The following CNTNAP4 variants were observed in gnomAD, a reference collection of about 807,000 sequenced individuals.
CNTNAP4 encodes the protein contactin associated protein family member 4, also known as contactin-associated protein-like 4.
Under a neutral mutation model 148.4 loss-of-function variants are expected in CNTNAP4, and 98 were observed. The ratio of observed to expected loss-of-function variants is 0.66; its 90% CI spans 0.56 to 0.78. The LOEUF (loss-of-function observed/expected upper bound fraction) is 0.78, where lower values mean the gene tolerates loss of function less well. Among genes scored for constraint, CNTNAP4 ranks in the 30% least tolerant of loss-of-function variants. The probability of loss-of-function intolerance (pLI) is 0.00; values close to 1 mark genes in which losing one functional copy is unlikely to be tolerated. For synonymous variants in CNTNAP4, 730 were observed against 565.1 expected (o/e 1.29, Z -4.14); for missense variants, 1,935 against 1,565.6 (o/e 1.24, Z -3.98).
intron 12 of CNTNAP4, among the ~76,000 whole-genome samples, chr16:76,482,495 C>A (rs937669720): frequency 6.7e-6 from 1 of 149,248 alleles, no homozygotes; most frequent in Non-Finnish European, 1.5e-5. Flanking sequence ...TCTGAGGAGG[C>A]ATTTGAATAT....
At chr16:76,301,670 T>C (rs1038026091) in intron 1 of CNTNAP4, among the ~76,000 whole-genome samples, 4 of 152,074 alleles carry the variant, frequency 2.6e-5, no homozygotes, top group Non-Finnish European at 2.9e-5. Flanking sequence ...GGTAAATCAG[T>C]CACTGTGACA....
intron 3 of CNTNAP4, among the ~76,000 whole-genome samples, chr16:76,378,509 G>C (rs1312017298): frequency 6.6e-6 from 1 of 152,134 alleles, no homozygotes; most frequent in Non-Finnish European, 1.5e-5. Flanking sequence ...ATTTGTATGT[G>C]CTGGTAAACT....
chr16:76,386,331 C>A (rs780782886), intron 3 of CNTNAP4, among the ~76,000 whole-genome samples: 8 of 151,954 alleles, frequency 5.3e-5, no homozygotes, highest in African/African-American at 7.3e-5. Context: ...GTAAAATGAG[C>A]AATTTTTTAA....
At chr16:76,374,769 T>G (rs75095149) in intron 3 of CNTNAP4, among the ~76,000 whole-genome samples, 29,305 of 147,856 alleles carry the variant, frequency 0.2, 3,378 homozygotes, top group East Asian at 0.45. Context: ...ATTATTATTA[T>G]TATTATTATT....
At chr16:76,349,870 A>G (rs960436510) in intron 2 of CNTNAP4, among the ~76,000 whole-genome samples, 4 of 151,946 alleles carry the variant, frequency 2.6e-5, no homozygotes, top group Admixed American at 2.0e-4. Flanking sequence ...TAAAGTTGAT[A>G]CGTCGCCTTT....
intron 1 of CNTNAP4, among the ~76,000 whole-genome samples, chr16:76,300,110 G>T (rs1265720939): frequency 6.6e-6 from 1 of 152,028 alleles, no homozygotes; most frequent in Non-Finnish European, 1.5e-5. Flanking sequence ...AAACCTGCAC[G>T]TTGTGCACAT....
chr16:76,327,210 C>A (rs1963078117), intron 2 of CNTNAP4, among the ~76,000 whole-genome samples: 1 of 152,184 alleles, frequency 6.6e-6, no homozygotes, highest in South Asian at 2.1e-4. Flanking sequence ...ATCACTGCCT[C>A]TCCTGTCTTG....
At chr16:76,513,310 A>G (rs934010445) in intron 15 of CNTNAP4, among the ~76,000 whole-genome samples, 2 of 152,130 alleles carry the variant, frequency 1.3e-5, no homozygotes, top group African/African-American at 4.8e-5. Context: ...GAGATGTATT[A>G]TTGGGGAGAG....
intron 8 of CNTNAP4, among the ~76,000 whole-genome samples, chr16:76,460,525 G>T (rs560273076): frequency 6.7e-6 from 1 of 149,238 alleles, no homozygotes; most frequent in African/African-American, 2.4e-5. Flanking sequence ...ACTTTGGGAA[G>T]CCGAGGCGGG....
intron 2 of CNTNAP4, 34 bp downstream of exon 2, chr16:76,316,557 G>C (rs1278888435): frequency 7.3e-7 from 1 of 1,370,582 alleles, no homozygotes; most frequent in East Asian, 2.3e-5. Context: ...CTGGCCCATA[G>C]AAAATCTCAC....
intron 2 of CNTNAP4, among the ~76,000 whole-genome samples, chr16:76,347,505 A>T (rs199955485): frequency 4.1e-4 from 41 of 100,718 alleles, no homozygotes; most frequent in Admixed American, 1.8e-3. Flanking sequence ...TATGCTATAT[A>T]AAAAAGATGG....
At chr16:76,510,627 G>A (rs1387948618) in intron 15 of CNTNAP4, among the ~76,000 whole-genome samples, 1 of 152,142 alleles carries the variant, frequency 6.6e-6, no homozygotes, top group African/African-American at 2.4e-5. Flanking sequence ...TGTCTGTGCT[G>A]AGGAATGCAG....
chr16:76,428,431 T>G (rs1277999580), intron 4 of CNTNAP4, among the ~76,000 whole-genome samples: 1 of 149,526 alleles, frequency 6.7e-6, no homozygotes. Flanking sequence ...TTTTTTTTTT[T>G]CTCTAGTAAA....
chr16:76,518,379 C>T (rs188337718), intron 15 of CNTNAP4, among the ~76,000 whole-genome samples: 71 of 152,256 alleles, frequency 4.7e-4, no homozygotes, highest in Admixed American at 9.8e-4. Flanking sequence ...CTGCCCACCT[C>T]AGCCCCCAAA....
rs377126422 is a variant in CNTNAP4, at chr16:76,407,950, C to T, written c.391-19502C>T. Reference sequence around the variant, plus strand: ...TTAAAAATTCACTCCACAGTCACCCCAACCTTCAGCAACCACCACCCTGAT... The same window carrying T: ...TTAAAAATTCACTCCACAGTCACCCTAACCTTCAGCAACCACCACCCTGAT... On this transcript the variant is annotated intron_variant, in intron 3 of 23. Transcript: ENST00000611870. Among the ~76,000 whole-genome samples, 13 of 152,142 alleles carry T rather than the reference C, an allele frequency of 8.5e-5. No individual in the cohort carries two copies. The South Asian group carries it at 2.1e-3, about 24-fold the overall frequency.
chr16:76,515,426 C>A (rs921984336), intron 15 of CNTNAP4, among the ~76,000 whole-genome samples: 7 of 152,064 alleles, frequency 4.6e-5, no homozygotes, highest in Non-Finnish European at 7.4e-5. Flanking sequence ...GAAAGAGACA[C>A]CAGAGACCCC....
chr16:76,543,382 T>C (rs2084546421), intron 21 of CNTNAP4, among the ~76,000 whole-genome samples: 1 of 152,238 alleles, frequency 6.6e-6, no homozygotes, highest in Non-Finnish European at 1.5e-5. Context: ...GAGTTATTAA[T>C]ATTTCAAAGA....
chr16:76,367,727 G>A (rs1266436086), intron 3 of CNTNAP4, among the ~76,000 whole-genome samples: 3 of 152,176 alleles, frequency 2.0e-5, no homozygotes, highest in African/African-American at 4.8e-5. Flanking sequence ...CTTGGTGGGT[G>A]TTATTGAACA....
intron 13 of CNTNAP4, among the ~76,000 whole-genome samples, chr16:76,491,065 T>C (rs944866633): frequency 6.6e-6 from 1 of 152,190 alleles, no homozygotes. Flanking sequence ...TAAGTCTCTC[T>C]CTATTTATTC....
Sources: allele counts gnomAD v4.1 joint callset (sites outside exome capture counted in the v4.1 genomes callset), GRCh38; gene constraint gnomAD v4.1.1; transcripts MANE v1.5; gene names NCBI Gene and HGNC (gene_info 2026-07-23, HGNC 2026-07-21).